The following MOV10L1 variants were observed in gnomAD, a reference collection of about 807,000 sequenced individuals.
MOV10L1 encodes the protein Mov10 like RNA helicase 1, also known as RNA helicase Mov10l1.
In MOV10L1, 110 loss-of-function variants were observed where a neutral mutation model predicts 143.8. That is an observed-to-expected ratio of 0.76 (90% CI 0.66 to 0.90). The LOEUF (loss-of-function observed/expected upper bound fraction) is 0.90, where lower values mean the gene tolerates loss of function less well. MOV10L1 is among the 40% of genes least tolerant of loss of function. The pLI, the probability that MOV10L1 is intolerant of heterozygous loss-of-function variation, is 0.00. For synonymous variants in MOV10L1, 593 were observed against 581.1 expected (o/e 1.02, Z -0.29); for missense variants, 1,406 against 1,526.8 (o/e 0.92, Z 1.32).
chr22:50,098,245 T>G (rs1028428667), intron 2 of MOV10L1, among the ~76,000 whole-genome samples: 7 of 142,638 alleles, frequency 4.9e-5, no homozygotes, highest in African/African-American at 1.5e-4. Flanking sequence ...TTAATAATAA[T>G]TATTAAGATT....
At chr22:50,107,168 G>T (rs5771071) in intron 3 of MOV10L1, among the ~76,000 whole-genome samples, 20,141 of 150,770 alleles carry the variant, frequency 0.13, 1,653 homozygotes, top group East Asian at 0.34. Context: ...TCCACCTCCC[G>T]GGTTCACGCC....
At chr22:50,106,325 C>CTT (rs1165257394) in intron 3 of MOV10L1, among the ~76,000 whole-genome samples, 5,401 of 94,482 alleles carry the variant, frequency 0.057, 341 homozygotes, top group Admixed American at 0.089. Flanking sequence ...CCAACTAATT[C>CTT]TTTTTTTTTT....
Position 50,113,607 on chromosome 22 carries a change from T to G in MOV10L1, c.744-41T>G, listed in dbSNP as rs1438229839. 10 of 1,602,940 alleles carry G rather than the reference T, an allele frequency of 6.2e-6. No individual in the cohort carries two copies. The East Asian group carries it at 1.8e-4, about 29-fold the overall frequency. ...GCGGAGGCAGGCGAGGAAGGGGTGG[T>G]GCTGCTGCAGAGGGATGTCTTTCTG... On this transcript the variant is annotated intron_variant, in intron 5 of 26. Transcript: ENST00000262794.
chr22:50,110,815 C>T (rs963843669), intron 5 of MOV10L1, among the ~76,000 whole-genome samples: 8 of 152,036 alleles, frequency 5.3e-5, no homozygotes, highest in African/African-American at 1.9e-4. Context: ...CCCTTAATCC[C>T]AGCTACTCTG....
intron 12 of MOV10L1, among the ~76,000 whole-genome samples, chr22:50,127,968 G>A (rs1203181308): frequency 1.3e-5 from 2 of 151,964 alleles, no homozygotes; most frequent in Admixed American, 6.6e-5. Flanking sequence ...AGATGGTTTC[G>A]CCCCGTTGGC....
intron 2 of MOV10L1, among the ~76,000 whole-genome samples, chr22:50,097,516 C>T (rs1008592234): frequency 8.5e-5 from 13 of 152,062 alleles, no homozygotes; most frequent in African/African-American, 3.1e-4. Flanking sequence ...TTTGAGACTG[C>T]ACAATTGCAG....
chr22:50,120,002 C>T lies in MOV10L1; in HGVS notation c.1455-500C>T, dbSNP rs552303846. Among the ~76,000 whole-genome samples the T allele has an allele frequency of 5.3e-4, 81 of 152,216 alleles. 1 individual carries two copies. The highest frequency in any genetic ancestry group is 1.8e-3 in the African/African-American group (74 of 41,546). ...CGCATTGGGCTTGGCTCCAGAGCAG[C>T]GATGTTCTTCATCCTGAACAAACTG... is the stretch of plus-strand genomic sequence containing the variant. On this transcript the variant is annotated intron_variant, in intron 9 of 26. Coordinates refer to ENST00000262794, the MANE Select transcript of MOV10L1 (RefSeq NM_018995.3).
At chr22:50,132,176 G>A (rs1178037751) in intron 13 of MOV10L1, among the ~76,000 whole-genome samples, 1 of 152,120 alleles carries the variant, frequency 6.6e-6, no homozygotes, top group Non-Finnish European at 1.5e-5. Flanking sequence ...TTCACCATAC[G>A]AAGCTGGGGG....
chr22:50,128,295 C>G, intron 12 of MOV10L1, 121 bp from the exon 13 acceptor site: 1 of 629,736 alleles, frequency 1.6e-6, no homozygotes, highest in South Asian at 1.9e-5. Context: ...TCCTTTTCAA[C>G]TAATTTTGCA....
chr22:50,120,413 C>G, intron 9 of MOV10L1, 89 bp from the exon 10 acceptor site: 2 of 852,764 alleles, frequency 2.3e-6, no homozygotes, highest in Admixed American at 4.3e-5. Context: ...TTTGGTCTTC[C>G]TAAAATAGGA....
In MOV10L1 at chr22:50,149,625, T is replaced by C; in HGVS notation, c.2638T>C (p.Phe880Leu). 6.2e-7 allele frequency: 1 copy of C among 1,614,186 alleles called. No individual in the cohort carries two copies. The highest frequency in any genetic ancestry group is 8.5e-7 in the Non-Finnish European group (1 of 1,180,000). Residue 880 changes from phenylalanine (F) to leucine (L), a missense_variant, in exon 20 of 27, where the codon TTC becomes CTC. Physicochemically the swap from Phe to Leu is conservative, Grantham distance 22. Around this residue, in one of 3 missense-constraint regions of MOV10L1, gnomAD observed 1,233 missense variants for 1,351.4 expected, o/e 0.91. Transcript: ENST00000262794. ...FYQIGVRVGHFTHVFVDEAGQ... is the reference protein window; with the variant it reads ...FYQIGVRVGHLTHVFVDEAGQ... Reference sequence around the variant, plus strand: ...ACATCTTTGCTCTAGAGTTGGGCACTTCACTCACGTGTTTGTGGACGAGGC... The same window carrying C: ...ACATCTTTGCTCTAGAGTTGGGCACCTCACTCACGTGTTTGTGGACGAGGC...
intron 3 of MOV10L1, among the ~76,000 whole-genome samples, chr22:50,104,568 A>G (rs1377393670): frequency 3.9e-5 from 6 of 152,152 alleles, no homozygotes; most frequent in Admixed American, 1.3e-4. Context: ...TTAAAATTAG[A>G]TCATTTTTGA....
chr22:50,106,894 G>C (rs989220050), intron 3 of MOV10L1, among the ~76,000 whole-genome samples: 14 of 151,158 alleles, frequency 9.3e-5, no homozygotes, highest in African/African-American at 3.2e-4. Context: ...GTAGAGACGG[G>C]GTTTCACTGT....
At chr22:50,137,032 G>C (rs909581092) in intron 15 of MOV10L1, among the ~76,000 whole-genome samples, 5 of 152,144 alleles carry the variant, frequency 3.3e-5, no homozygotes, top group African/African-American at 4.8e-5. Flanking sequence ...GAAGCAAGCT[G>C]TTCCCAAATA....
rs747270018 is a variant in MOV10L1 at position 50,150,863 on chromosome 22, T to C, written c.2856T>C (p.Asn952=). 6.2e-7 allele frequency: 1 copy of C among 1,614,142 alleles called. No individual in the cohort carries two copies. Among genetic ancestry groups the C allele is most frequent in the South Asian group, 1.1e-5 (1 of 91,086 alleles). Residue 952 remains asparagine, a synonymous_variant, in exon 21 of 27, where the codon AAT becomes AAC. Coordinates refer to ENST00000262794, the MANE Select transcript of MOV10L1 (RefSeq NM_018995.3). ...MSRPAYQRDE[N]AFGACGAHNP... is the part of the protein sequence containing the mutation. ...GACCCGCGTACCAGAGGGACGAAAA[T>C]GCTTTCGGTGCTTGTGGCGCACATA... is the stretch of plus-strand genomic sequence containing the variant.
rs1388409858 is a variant in MOV10L1 at position 50,158,910 on chromosome 22, G to A, written c.3216+704G>A. 6.6e-6 allele frequency: 1 copy of A among 152,274 alleles called. No homozygotes were observed. Among genetic ancestry groups the A allele is most frequent in the African/African-American group, 2.4e-5 (1 of 41,444 alleles). The allele number at this position is 152,274 out of a possible 1,614,324, so 9.4% of individuals were successfully genotyped here. Reference sequence around the variant, plus strand: ...CTGACCTCGGGGACTCGAGAGGTGAGTGCTTAGTTCTCCCAGAGGTACAGA... The same window carrying A: ...CTGACCTCGGGGACTCGAGAGGTGAATGCTTAGTTCTCCCAGAGGTACAGA... On this transcript the variant is annotated intron_variant, in intron 23 of 26. Transcript: ENST00000262794. This position sits in a 1 kb window ranked among gnomAD's most constrained non-coding sequence, Gnocchi z 5.0.
intron 13 of MOV10L1, among the ~76,000 whole-genome samples, chr22:50,132,564 C>A (rs1163026810): frequency 6.6e-6 from 1 of 152,122 alleles, no homozygotes; most frequent in Non-Finnish European, 1.5e-5. Flanking sequence ...TTTTAAATGG[C>A]TGTTATAAAC....
At position 50,158,224 on chromosome 22, in the gene MOV10L1, A is replaced by G; in HGVS notation, c.3216+18A>G. 6.2e-7 allele frequency: 1 copy of G among 1,613,848 alleles called. No homozygotes were observed. ...GGAAGCAGGTACGCCCTGCCCAGGC[A>G]CGCCTGGTTCTGTGAGGTCCCTGCA... On this transcript the variant is annotated intron_variant, in intron 23 of 26. Transcript: ENST00000262794. The surrounding 1 kb of genome is among the most constrained non-coding windows in gnomAD (Gnocchi z 5.0).
chr22:50,125,488 G>A lies in MOV10L1; in HGVS notation c.1666G>A (p.Gly556Arg), dbSNP rs754193889. 1.4e-5 allele frequency: 23 copies of A among 1,614,062 alleles called. No individual in the cohort carries two copies. Among genetic ancestry groups the A allele is most frequent in the South Asian group, 7.7e-5 (7 of 91,086 alleles). ...EMELKEYNMS[G>R]IILRRNGDLL... ...GGAACTGAAAGAGTATAACATGAGC[G>A]GGATCATCTTAAGAAGGAATGGGGA... is the stretch of plus-strand genomic sequence containing the variant. The change falls in exon 11 of 27, where the codon GGG (glycine) becomes AGG (arginine). Residue 556 changes from glycine (G) to arginine (R), a missense_variant. Physicochemically the swap from Gly to Arg is moderately radical, Grantham distance 125. This residue lies in a region of MOV10L1 where 1,233 missense variants were observed against 1,351.4 expected (regional missense o/e 0.91). Coordinates refer to ENST00000262794, the MANE Select transcript of MOV10L1 (RefSeq NM_018995.3).
Sources: gnomAD v4.1 joint callset for allele counts (sites outside exome capture counted in the v4.1 genomes callset) on GRCh38, gnomAD v4.1.1 for gene constraint, gnomAD v4.1.1 regional missense constraint, Gnocchi (gnomAD v3.1) non-coding constraint, MANE v1.5 for transcripts, NCBI Gene and HGNC (gene_info 2026-07-23, HGNC 2026-07-21) for gene names.